The following NOL4L variants were observed in gnomAD, a reference collection of about 807,000 sequenced individuals.
The protein encoded by NOL4L is nucleolar protein 4 like.
A neutral mutation model predicts 64.5 loss-of-function variants in NOL4L; 7 were observed. That is an observed-to-expected ratio of 0.11 (90% CI 0.06 to 0.20). The LOEUF is 0.20. NOL4L is among the 10% of genes least tolerant of loss of function. The pLI, the probability that NOL4L is intolerant of heterozygous loss-of-function variation, is 1.00. For synonymous variants in NOL4L, 413 were observed against 401.0 expected (o/e 1.03, Z -0.36); for missense variants, 680 against 967.1 (o/e 0.70, Z 3.94).
intron 1 of NOL4L, among the ~76,000 whole-genome samples, chr20:32,546,214 G>A (rs963328640): frequency 2.6e-5 from 4 of 152,116 alleles, no homozygotes; most frequent in Non-Finnish European, 5.9e-5. Context: ...CCAAAGTGCT[G>A]GGATTACAGG....
intron 4 of NOL4L, among the ~76,000 whole-genome samples, chr20:32,509,601 GAACAGAGCT>G (rs1188011972): frequency 1.3e-5 from 2 of 150,852 alleles, no homozygotes; most frequent in Non-Finnish European, 2.9e-5. Context: ...CTGGCTCACA[GAACAGAGCT>G]CCATAAATAT....
At chr20:32,539,145 C>T (rs931884493) in intron 1 of NOL4L, among the ~76,000 whole-genome samples, 1 of 152,164 alleles carries the variant, frequency 6.6e-6, no homozygotes, top group Non-Finnish European at 1.5e-5. Flanking sequence ...AGCCCAAGGG[C>T]AGGGCCATGG....
chr20:32,511,663 A>G (rs1220847024), intron 3 of NOL4L, among the ~76,000 whole-genome samples: 2 of 152,240 alleles, frequency 1.3e-5, no homozygotes, highest in Non-Finnish European at 2.9e-5. Context: ...ATTAAATGCC[A>G]GTGTTCTATT....
intron 1 of NOL4L, among the ~76,000 whole-genome samples, chr20:32,571,657 C>T (rs1022238566): frequency 5.3e-5 from 8 of 152,330 alleles, no homozygotes; most frequent in South Asian, 2.1e-4. Flanking sequence ...AGAGGCTTTC[C>T]GTGCTTCCTC....
intron 1 of NOL4L, among the ~76,000 whole-genome samples, chr20:32,528,456 C>G (rs1035974999): frequency 6.6e-6 from 1 of 152,062 alleles, no homozygotes; most frequent in Admixed American, 6.5e-5. Context: ...GCGCCAGCAA[C>G]GGCACCCGGG....
chr20:32,567,116 GGTGCAGGA>G (rs1373120775), intron 1 of NOL4L, among the ~76,000 whole-genome samples: 1 of 152,170 alleles, frequency 6.6e-6, no homozygotes, highest in Non-Finnish European at 1.5e-5. Context: ...TAGAATCAGG[GGTGCAGGA>G]GCCTGGGTCC....
chr20:32,532,934 C>A (rs1034609785), intron 1 of NOL4L, among the ~76,000 whole-genome samples: 2 of 152,174 alleles, frequency 1.3e-5, no homozygotes, highest in Non-Finnish European at 2.9e-5. Flanking sequence ...AACCATCCAA[C>A]CCCCAAACAG....
At chr20:32,483,301 GGGGC>G in intron 4 of NOL4L, 1 of 936,392 alleles carries the variant, frequency 1.1e-6, no homozygotes, top group African/African-American at 1.8e-5. Flanking sequence ...CCGGAGAAGG[GGGGC>G]GGCGGCCCGG....
chr20:32,522,089 G>A (rs765398274), intron 2 of NOL4L, among the ~76,000 whole-genome samples: 10 of 152,186 alleles, frequency 6.6e-5, no homozygotes, highest in African/African-American at 1.4e-4. Context: ...GGGCTAGGGC[G>A]GGGCTGGGGA....
chr20:32,461,367 G>A (rs975427639), intron 5 of NOL4L, among the ~76,000 whole-genome samples: 19 of 150,958 alleles, frequency 1.3e-4, no homozygotes, highest in Admixed American at 8.6e-4. Context: ...TCACCTTCTC[G>A]GTAAGCCCAG....
At chr20:32,488,459 A>G (rs2016190329) in intron 4 of NOL4L, among the ~76,000 whole-genome samples, 1 of 152,220 alleles carries the variant, frequency 6.6e-6, no homozygotes. Flanking sequence ...AGCTTTTATC[A>G]TCAGGATTGT....
intron 1 of NOL4L, among the ~76,000 whole-genome samples, chr20:32,546,863 C>T (rs1201694408): frequency 6.6e-6 from 1 of 152,230 alleles, no homozygotes; most frequent in East Asian, 1.9e-4. Context: ...GTGATGGAGG[C>T]TGTCTTGTTC....
chr20:32,502,769 G>A (rs2016976468), intron 4 of NOL4L, among the ~76,000 whole-genome samples: 1 of 151,990 alleles, frequency 6.6e-6, no homozygotes, highest in Non-Finnish European at 1.5e-5. Context: ...AAATTAGCCG[G>A]GAGTGGTGGC....
At chr20:32,584,514 C>T (rs1256503511) in intron 1 of NOL4L, 56 bp downstream of exon 1, 1 of 1,125,486 alleles carries the variant, frequency 8.9e-7, no homozygotes, top group African/African-American at 1.7e-5. Flanking sequence ...CGCCCCCGCC[C>T]GCCTGCCCCA....
chr20:32,509,857 T>C, intron 4 of NOL4L: 3 of 1,304,256 alleles, frequency 2.3e-6, no homozygotes, highest in Non-Finnish European at 3.0e-6. Flanking sequence ...GTTTGTGCGG[T>C]TTTGTGCTTC....
intron 1 of NOL4L, among the ~76,000 whole-genome samples, chr20:32,560,649 G>T (rs533344840): frequency 6.6e-6 from 1 of 152,374 alleles, no homozygotes; most frequent in East Asian, 1.9e-4. Context: ...CCATTTCATA[G>T]ATGAAGAAAC....
chr20:32,536,334 C>G, intron 1 of NOL4L: 3 of 985,136 alleles, frequency 3.0e-6, no homozygotes, highest in Non-Finnish European at 2.4e-6. Context: ...GGCGCGCTAA[C>G]GAGCGGAGAG....
chr20:32,537,252 G>T, intron 1 of NOL4L: 2 of 362,500 alleles, frequency 5.5e-6, no homozygotes, highest in Non-Finnish European at 7.7e-6. Flanking sequence ...GTGGCCATTT[G>T]CCCAGGGTCA....
chr20:32,528,031 TGGGGAGGGGA>T, intron 1 of NOL4L, 118 bp from the exon 2 acceptor site: 1 of 233,122 alleles, frequency 4.3e-6, no homozygotes, highest in Non-Finnish European at 7.9e-6. Flanking sequence ...GGTCTTGGGG[TGGGGAGGGGA>T]GGGAGCCTAC....
Sources: allele counts gnomAD v4.1 joint callset (sites outside exome capture counted in the v4.1 genomes callset), GRCh38; gene constraint gnomAD v4.1.1; transcripts MANE v1.5; gene names NCBI Gene and HGNC (gene_info 2026-07-23, HGNC 2026-07-21).